Variants in PRKN observed in about 807,000 individuals in gnomAD.
PRKN encodes E3 ubiquitin-protein ligase parkin.
In PRKN, 56 loss-of-function variants were observed where a neutral mutation model predicts 59.5. The ratio of observed to expected loss-of-function variants is 0.94; its 90% CI spans 0.76 to 1.18. The LOEUF is 1.18. Ranked by LOEUF, PRKN falls within the 50% of genes most tolerant of loss-of-function variation. PRKN has a pLI of 0.00. For missense variants in PRKN, 657 were observed against 596.4 expected (o/e 1.10, Z -1.06); for synonymous variants, 250 against 222.1 (o/e 1.13, Z -1.12).
intron 7 of PRKN, among the ~76,000 whole-genome samples, chr6:161,700,537 G>A (rs964722325): frequency 1.3e-5 from 2 of 152,094 alleles, no homozygotes; most frequent in African/African-American, 4.8e-5. Context: ...TCAGGTAATG[G>A]GGTTAGCTGT....
Position 162,588,773 on chromosome 6 carries a change from G to A in PRKN, c.7+138889C>T, listed in dbSNP as rs549611725. Among the ~76,000 whole-genome samples, 665 of 151,966 alleles carry A rather than the reference G, an allele frequency of 4.4e-3. 1 individual carries two copies. The highest frequency in any genetic ancestry group is 7.9e-3 in the Non-Finnish European group (535 of 67,954). On this transcript the variant is annotated intron_variant, in intron 1 of 11. Coordinates refer to ENST00000366898, the MANE Select transcript of PRKN (RefSeq NM_004562.3). The stretch of plus-strand genomic sequence containing the variant: ...TCACCGTGTTAGCCAGGATGGTCTC[G>A]ATCTCCTGACCTCGTGATCCACCTG...
chr6:162,058,761 T>C (rs1279687355), intron 4 of PRKN, among the ~76,000 whole-genome samples: 1 of 151,996 alleles, frequency 6.6e-6, no homozygotes, highest in Non-Finnish European at 1.5e-5. Context: ...AAGACCACCC[T>C]GGCCAACATG....
Position 161,353,944 on chromosome 6 carries a change from T to C in PRKN, c.1286-3733A>G, listed in dbSNP as rs1784656962. Among the ~76,000 whole-genome samples, 1 of 152,180 alleles carries C rather than the reference T, an allele frequency of 6.6e-6. No homozygotes were observed. The highest frequency in any genetic ancestry group is 2.4e-5 in the African/African-American group (1 of 41,436). ...ACCCCCGCACATTCCGTCACAGAAGTCTTCTGTGCTGACTGTTGTTATTGA... is the reference window on the plus strand; with the variant it reads ...ACCCCCGCACATTCCGTCACAGAAGCCTTCTGTGCTGACTGTTGTTATTGA... On this transcript the variant is annotated intron_variant, in intron 11 of 11. Coordinates refer to ENST00000366898, the MANE Select transcript of PRKN (RefSeq NM_004562.3). This position sits in a 1 kb window ranked among gnomAD's most constrained non-coding sequence, Gnocchi z 4.8.
At chr6:161,746,176 C>T (rs1788405323) in intron 7 of PRKN, among the ~76,000 whole-genome samples, 1 of 152,156 alleles carries the variant, frequency 6.6e-6, no homozygotes, top group African/African-American at 2.4e-5. Context: ...TAAAGTGAAA[C>T]TAAGATGTAA....
intron 6 of PRKN, among the ~76,000 whole-genome samples, chr6:161,863,006 T>C (rs1793968505): frequency 6.6e-6 from 1 of 152,182 alleles, no homozygotes; most frequent in Admixed American, 6.5e-5. Context: ...GATTTTCACC[T>C]AAACATAAAG....
In PRKN at chr6:161,497,374, C is replaced by G. The variant is rs73591630; in HGVS notation, c.1083+51480G>C. Among the ~76,000 whole-genome samples the G allele has an allele frequency of 0.015, 2,315 of 152,268 alleles. 62 individuals are homozygous for G. Among genetic ancestry groups the G allele is most frequent in the African/African-American group, 0.053 (2,215 of 41,538 alleles). ...TCTCACAGACATTCCTCCTTCAAAA[C>G]AGACCCTCTGGCAAAGGTTATCCTT... On this transcript the variant is annotated intron_variant, in intron 9 of 11. Transcript: ENST00000366898. The surrounding 1 kb of genome is among the most constrained non-coding windows in gnomAD (Gnocchi z 4.6).
intron 8 of PRKN, among the ~76,000 whole-genome samples, chr6:161,559,287 C>T (rs976429144): frequency 7.2e-5 from 11 of 152,152 alleles, no homozygotes. Flanking sequence ...TGTAGCTCCC[C>T]TTTCAGGGGA....
intron 6 of PRKN, among the ~76,000 whole-genome samples, chr6:161,950,568 A>T (rs1214693802): frequency 6.6e-6 from 1 of 152,134 alleles, no homozygotes; most frequent in African/African-American, 2.4e-5. Context: ...CTCTCTTTGC[A>T]ATAGCAAAGA....
At chr6:162,437,176 G>C (rs1789816697) in intron 2 of PRKN, among the ~76,000 whole-genome samples, 3 of 152,108 alleles carry the variant, frequency 2.0e-5, no homozygotes, top group Admixed American at 2.0e-4. Flanking sequence ...TGTACTCTTA[G>C]TATGAACAAG....
chr6:162,589,417 T>A (rs9365470), intron 1 of PRKN, among the ~76,000 whole-genome samples: 1 of 152,336 alleles, frequency 6.6e-6, no homozygotes, highest in East Asian at 1.9e-4. Flanking sequence ...GCTTTCTTTC[T>A]TCCCAGTATT....
Position 161,552,207 on chromosome 6 carries a change from G to C in PRKN, c.934-3204C>G, listed in dbSNP as rs918937269. 1.3e-5 allele frequency among the ~76,000 whole-genome samples: 2 copies of C among 152,220 alleles called. No homozygotes were observed. Among genetic ancestry groups the C allele is most frequent in the African/African-American group, 4.8e-5 (2 of 41,454 alleles). ...TAGAAAGAATGGTGGATTTAAGTTT[G>C]GTTGCAGTTTTGCCGGAATTGTAAA... is the stretch of plus-strand genomic sequence containing the variant. On this transcript the variant is annotated intron_variant, in intron 8 of 11. Transcript: ENST00000366898. This position sits in a 1 kb window ranked among gnomAD's most constrained non-coding sequence, Gnocchi z 4.9.
chr6:162,174,111 T>C (rs1162711599), intron 4 of PRKN, among the ~76,000 whole-genome samples: 2 of 152,342 alleles, frequency 1.3e-5, no homozygotes, highest in East Asian at 3.9e-4. Context: ...ATAAATTGCA[T>C]CCACTTTTTA....
At chr6:162,186,324 T>C (rs895313935) in intron 4 of PRKN, among the ~76,000 whole-genome samples, 6 of 151,796 alleles carry the variant, frequency 4.0e-5, no homozygotes, top group Non-Finnish European at 7.4e-5. Flanking sequence ...TTTTTTTTTT[T>C]AGCAGTTTTA....
intron 1 of PRKN, among the ~76,000 whole-genome samples, chr6:162,683,530 G>A (rs543461520): frequency 1.1e-4 from 16 of 152,238 alleles, no homozygotes; most frequent in East Asian, 1.9e-4. Context: ...ATAAATAAGT[G>A]ACTCACAGAT....
At chr6:162,091,371 C>T (rs889300877) in intron 4 of PRKN, among the ~76,000 whole-genome samples, 1 of 152,146 alleles carries the variant, frequency 6.6e-6, no homozygotes, top group African/African-American at 2.4e-5. Context: ...ATACTTCTCC[C>T]ATTTGGTTTA....
chr6:161,789,804 C>T (rs772468079), intron 6 of PRKN, among the ~76,000 whole-genome samples: 3 of 152,118 alleles, frequency 2.0e-5, no homozygotes, highest in East Asian at 1.9e-4. Context: ...AGCACCTGAT[C>T]GTTTTGTAAT....
chr6:162,035,972 A>C (rs988779898), intron 5 of PRKN, among the ~76,000 whole-genome samples: 1 of 152,232 alleles, frequency 6.6e-6, no homozygotes, highest in Non-Finnish European at 1.5e-5. Flanking sequence ...TTTTCATTAA[A>C]TATCTCCAAG....
At chr6:161,888,582 A>T (rs1009622636) in intron 6 of PRKN, among the ~76,000 whole-genome samples, 2 of 152,188 alleles carry the variant, frequency 1.3e-5, no homozygotes, top group Admixed American at 6.5e-5. Context: ...GGCATGGGGA[A>T]CTATATTTAC....
chr6:162,108,140 C>T (rs893133474), intron 4 of PRKN, among the ~76,000 whole-genome samples: 6 of 152,176 alleles, frequency 3.9e-5, no homozygotes, highest in African/African-American at 9.7e-5. Context: ...AAACGTCCCA[C>T]ACTCCTGCTT....
Sources: allele counts gnomAD v4.1 joint callset (sites outside exome capture counted in the v4.1 genomes callset), GRCh38; gene constraint gnomAD v4.1.1; non-coding constraint Gnocchi (gnomAD v3.1); transcripts MANE v1.5; gene names NCBI Gene and HGNC (gene_info 2026-07-23, HGNC 2026-07-21).